Variants in USE1 observed in about 807,000 individuals in gnomAD.
USE1 encodes unconventional SNARE in the ER 1.
Under a neutral mutation model 37.6 loss-of-function variants are expected in USE1, and 32 were observed. That is an observed-to-expected ratio of 0.85 (90% CI 0.64 to 1.14). The LOEUF (loss-of-function observed/expected upper bound fraction) is 1.14. Ranked by LOEUF, USE1 falls within the 50% of genes most tolerant of loss-of-function variation. The pLI is 0.00. For missense variants in USE1, 310 were observed against 332.2 expected (o/e 0.93, Z 0.52); for synonymous variants, 149 against 137.6 (o/e 1.08, Z -0.58).
At chr19:17,215,568 G>A in intron 1 of USE1, 61 bp downstream of exon 1, 11 of 1,530,808 alleles carry the variant, frequency 7.2e-6, no homozygotes, top group Non-Finnish European at 9.7e-6. Flanking sequence ...CCTAGGGTTG[G>A]AAGCCACCTG....
chr19:17,218,371 G>A lies in USE1; in HGVS notation c.402G>A (p.Glu134=), dbSNP rs747362750. Residue 134 remains glutamate, a synonymous_variant, in exon 6 of 8, where the codon GAG becomes GAA. Coordinates refer to ENST00000263897, the MANE Select transcript of USE1 (RefSeq NM_018467.4). ...GGCCTGTTTTGCTTTCAGAGCCTGA[G>A]ATGGACGTAAGGAAGAGAACGTGAG... ...ELLGTDSAEP[E]MDVRKRTGVA... is the part of the protein sequence containing the mutation. 1 of 1,613,718 alleles carries A rather than the reference G, an allele frequency of 6.2e-7. No individual in the cohort carries two copies. The highest frequency in any genetic ancestry group is 1.1e-5 in the South Asian group (1 of 91,074).
chr19:17,215,754 C>A, intron 1 of USE1, 48 bp from the exon 2 acceptor site: 1 of 1,295,386 alleles, frequency 7.7e-7, no homozygotes, highest in Non-Finnish European at 1.1e-6. Flanking sequence ...CTCCCATGAT[C>A]AGGACATGGG....
Position 17,215,417 on chromosome 19 carries a change from G to A in USE1, c.12G>A (p.Ser4=), listed in dbSNP as rs1230385312. The change falls in exon 1 of 8, where the codon TCG becomes TCA. Residue 4 remains serine, a synonymous_variant. Transcript: ENST00000263897. MAA[S]RLELNLVRLL... is the part of the protein sequence containing the mutation. ...AGGGCCGGGCGATAATGGCGGCGTC[G>A]AGGCTGGAGCTAAACCTGGTGCGGC... 6.4e-7 allele frequency: 1 copy of A among 1,558,796 alleles called. No individual in the cohort carries two copies. The highest frequency in any genetic ancestry group is 8.7e-7 in the Non-Finnish European group (1 of 1,152,818).
chr19:17,217,747 A>C (rs1292761945), intron 5 of USE1: 7 of 478,938 alleles, frequency 1.5e-5, no homozygotes. Flanking sequence ...CCATGTCTCT[A>C]CTAAAAATAC....
chr19:17,217,580 C>T, intron 5 of USE1, 118 bp downstream of exon 5: 1 of 1,378,938 alleles, frequency 7.3e-7, no homozygotes, highest in Non-Finnish European at 1.0e-6. Flanking sequence ...ACAGGAGCAT[C>T]ACCAAACTAC....
intron 5 of USE1, chr19:17,217,893 C>T (rs2073300387): frequency 3.0e-6 from 1 of 332,022 alleles, no homozygotes; most frequent in Non-Finnish European, 5.9e-6. Context: ...GCCGGGGCGA[C>T]AGAGCAAGAC....
chr19:17,219,765 C>G lies in USE1; in HGVS notation c.732C>G (p.Ile244Met). 1 of 1,611,532 alleles carries G rather than the reference C, an allele frequency of 6.2e-7. No individual in the cohort carries two copies. Among genetic ancestry groups the G allele is most frequent in the Non-Finnish European group, 8.5e-7 (1 of 1,178,746 alleles). ...LWAMLIIVCF[I>M]FISMILFIRI... The stretch of plus-strand genomic sequence containing the variant: ...CCATGCTCATTATCGTCTGCTTCAT[C>G]TTCATTAGCATGATCCTCTTCATTC... Residue 244 changes from isoleucine (I) to methionine (M), a missense_variant, in exon 8 of 8, where the codon ATC (isoleucine) becomes ATG (methionine). Physicochemically the swap from Ile to Met is conservative, Grantham distance 10. Coordinates refer to ENST00000263897, the MANE Select transcript of USE1 (RefSeq NM_018467.4).
chr19:17,216,192 G>A lies in USE1; in HGVS notation c.255G>A (p.Leu85=). Residue 85 remains leucine, a synonymous_variant, in exon 4 of 8, where the codon CTG becomes CTA. Coordinates refer to ENST00000263897, the MANE Select transcript of USE1 (RefSeq NM_018467.4). ...EKLTSSSEKA[L]ANQFLAPGRV... The stretch of plus-strand genomic sequence containing the variant: ...AGACCTCCTCCTCAGAGAAAGCACT[G>A]GCCAACCAGTTCCTGGCCCCTGGCC... 1 of 1,612,774 alleles carries A rather than the reference G, an allele frequency of 6.2e-7. No individual in the cohort carries two copies. Among genetic ancestry groups the A allele is most frequent in the Non-Finnish European group, 8.5e-7 (1 of 1,179,598 alleles).
At position 17,217,373 on chromosome 19, in the gene USE1, T is replaced by G. The variant is rs2073297202; in HGVS notation, c.385-80T>G. The G allele has an allele frequency of 1.2e-5, 19 of 1,521,506 alleles. No homozygotes were observed. In the South Asian group the frequency reaches 2.1e-4, roughly 17 times the overall value. 94.3% of individuals were successfully genotyped at this position (1,521,506 alleles called of 1,614,324 possible). On this transcript the variant is annotated intron_variant, in intron 4 of 7. Coordinates refer to ENST00000263897, the MANE Select transcript of USE1 (RefSeq NM_018467.4). ...CTGGTCTCGAACTTCTGACCTCAGGTGATCTGCCCACCTTGGCCTCCCAAA... is the reference window on the plus strand; with the variant it reads ...CTGGTCTCGAACTTCTGACCTCAGGGGATCTGCCCACCTTGGCCTCCCAAA...
chr19:17,217,547 C>A, intron 5 of USE1, 85 bp downstream of exon 5: 2 of 1,549,828 alleles, frequency 1.3e-6, no homozygotes, highest in South Asian at 1.2e-5. Flanking sequence ...GCCTCCATGC[C>A]GAGACTCCAT....
rs764397061 is a variant in USE1, at chr19:17,218,410, G to T, written c.422+19G>T. On this transcript the variant is annotated intron_variant, in intron 6 of 7. Transcript: ENST00000263897. ...AGAGAACGTGAGTGTCTGCGGCCCT[G>T]GGGCAGTAGTGGCAATTGGGCGGTG... is the stretch of plus-strand genomic sequence containing the variant. 7.4e-6 allele frequency: 12 copies of T among 1,613,608 alleles called. 1 individual carries two copies. In the South Asian group the frequency reaches 1.3e-4, roughly 18 times the overall value.
At chr19:17,215,744 C>G (rs2073285240) in intron 1 of USE1, 58 bp from the exon 2 acceptor site, 2 of 1,336,144 alleles carry the variant, frequency 1.5e-6, no homozygotes, top group South Asian at 2.5e-5. Context: ...GCCCCCCCGA[C>G]TCCCATGATC....
chr19:17,217,694 C>T (rs955212849), intron 5 of USE1: 1 of 590,828 alleles, frequency 1.7e-6, no homozygotes, highest in African/African-American at 1.9e-5. Flanking sequence ...GGTGGATCAC[C>T]TGAGGTCAGG....
chr19:17,215,780 A>G (rs561071574), intron 1 of USE1, 22 bp from the exon 2 acceptor site: 2 of 1,425,032 alleles, frequency 1.4e-6, no homozygotes, highest in East Asian at 3.7e-5. Context: ...CCCCCGGGTG[A>G]CAATCCACTT....
chr19:17,217,002 G>A (rs984925867), intron 4 of USE1, among the ~76,000 whole-genome samples: 4 of 151,850 alleles, frequency 2.6e-5, no homozygotes, highest in African/African-American at 9.7e-5. Context: ...ATGAGTTGTC[G>A]TTACCAGTTT....
In USE1 at chr19:17,219,254, C is replaced by T. The variant is rs1183927807; in HGVS notation, c.464C>T (p.Ala155Val). ...CAGCCAGTGAGTGAGAAGCAGTTGG[C>T]AGCTGAGCTAGACCTCGTCCTGCAG... is the stretch of plus-strand genomic sequence containing the variant. Reference protein sequence around the residue: ...GSQPVSEKQLAAELDLVLQRH... With the variant: ...GSQPVSEKQLVAELDLVLQRH... The change falls in exon 7 of 8, where the codon GCA becomes GTA. Residue 155 changes from alanine to valine, a missense_variant. Transcript: ENST00000263897. The T allele has an allele frequency of 3.1e-6, 5 of 1,613,658 alleles. No individual in the cohort carries two copies. The African/African-American group carries it at 6.7e-5, about 22-fold the overall frequency.
chr19:17,219,710 C>A lies in USE1; in HGVS notation c.677C>A (p.Thr226Lys). ...KTESERLEQH[T>K]QKSVNWLLWA... is the part of the protein sequence containing the mutation. The stretch of plus-strand genomic sequence containing the variant: ...GAGTCAGAGCGTCTGGAGCAGCACA[C>A]GCAGAAGTCAGTCAACTGGCTGCTC... The change falls in exon 8 of 8, where the codon ACG becomes AAG. Residue 226 changes from threonine (T) to lysine (K), a missense_variant. By Grantham distance (78) the Thr-to-Lys change is moderately conservative (BLOSUM62 -1). Transcript: ENST00000263897. The A allele has an allele frequency of 6.2e-7, 1 of 1,613,580 alleles. No homozygotes were observed. Among genetic ancestry groups the A allele is most frequent in the Non-Finnish European group, 8.5e-7 (1 of 1,179,590 alleles).
Position 17,215,809 on chromosome 19 carries a change from G to A in USE1, c.110G>A (p.Gly37Glu), listed in dbSNP as rs1183354350. 6.2e-7 allele frequency: 1 copy of A among 1,610,366 alleles called. No homozygotes were observed. Among genetic ancestry groups the A allele is most frequent in the Non-Finnish European group, 8.5e-7 (1 of 1,178,824 alleles). ...TCCACTTTTCCTCCCCAGTACGTGG[G>A]AGCCCTAGAGGACATGTTGCAGGCC... The part of the protein sequence containing the change: ...PDEWRLEKYV[G>E]ALEDMLQALK... The change falls in exon 2 of 8, where the codon GGA becomes GAA. Residue 37 changes from glycine (G) to glutamate (E), a missense_variant. Physicochemically the swap from Gly to Glu is moderately conservative, Grantham distance 98. Transcript: ENST00000263897.
At position 17,215,800 on chromosome 19, in the gene USE1, AGTAC is replaced by A. The variant is rs2073285903; in HGVS notation, c.104_107del (p.Tyr35TrpfsTer4). The A allele has an allele frequency of 6.4e-7, 1 of 1,553,982 alleles. No individual in the cohort carries two copies. Among genetic ancestry groups the A allele is most frequent in the African/African-American group, 1.5e-5 (1 of 68,300 alleles). On this transcript the variant is annotated splice_acceptor_variant and coding_sequence_variant, in exon 2 of 8. Transcript: ENST00000263897. LOFTEE classifies it high-confidence loss of function. ...GGGTGACAATCCACTTTTCCTCCCC[AGTAC>A]GTGGGAGCCCTAGAGGACATGTTGC... is the stretch of plus-strand genomic sequence containing the variant.
Sources: gnomAD v4.1 joint callset for allele counts (sites outside exome capture counted in the v4.1 genomes callset) on GRCh38, gnomAD v4.1.1 for gene constraint, MANE v1.5 for transcripts, NCBI Gene and HGNC (gene_info 2026-07-23, HGNC 2026-07-21) for gene names.